The following STIM2 variants were observed in gnomAD, a reference collection of about 807,000 sequenced individuals.
The protein encoded by STIM2 is stromal interaction molecule 2.
In STIM2, 31 loss-of-function variants were observed where a neutral mutation model predicts 85.8. That is an observed-to-expected ratio of 0.36 (90% CI 0.27 to 0.49). STIM2 has a LOEUF of 0.49. Ranked by LOEUF, STIM2 falls within the 20% of genes least tolerant of loss-of-function variation. The probability of loss-of-function intolerance (pLI) is 0.98; values close to 1 mark genes in which losing one functional copy is unlikely to be tolerated. For missense variants in STIM2, 841 were observed against 927.6 expected, an observed-to-expected ratio of 0.91 and a Z score of 1.21; for synonymous variants, 356 against 331.1, an observed-to-expected ratio of 1.08 and a Z score of -0.82.
At chr4:27,001,057 G>C (rs769731684) in intron 5 of STIM2, among the ~76,000 whole-genome samples, 2 of 152,162 alleles carry the variant, frequency 1.3e-5, no homozygotes, top group Non-Finnish European at 2.9e-5. Context: ...GGAGAACTGA[G>C]AGTCTCTGAC....
intron 3 of STIM2, among the ~76,000 whole-genome samples, chr4:26,959,617 A>T (rs725981): frequency 0.37 from 56,401 of 151,906 alleles, 11,532 homozygotes; most frequent in Non-Finnish European, 0.46. Context: ...TGTATCCTAA[A>T]TAAAGAGGAC....
At chr4:26,962,208 G>A (rs990795793) in intron 3 of STIM2, among the ~76,000 whole-genome samples, 9 of 152,184 alleles carry the variant, frequency 5.9e-5, no homozygotes, top group Non-Finnish European at 1.2e-4. Flanking sequence ...CTTATAAAAT[G>A]TAATTCTTGT....
chr4:26,913,987 A>G (rs75195957), intron 1 of STIM2, among the ~76,000 whole-genome samples: 3,637 of 152,330 alleles, frequency 0.024, 148 homozygotes, highest in African/African-American at 0.083. Flanking sequence ...ACATAGGGAA[A>G]TAAGACAGCC....
intron 1 of STIM2, among the ~76,000 whole-genome samples, chr4:26,862,946 T>C (rs1219615282): frequency 6.6e-6 from 1 of 152,130 alleles, no homozygotes; most frequent in Non-Finnish European, 1.5e-5. Context: ...AAGGTATAAG[T>C]GGTTCTAGGT....
chr4:26,915,851 A>G (rs991937708), intron 1 of STIM2, among the ~76,000 whole-genome samples: 2 of 152,228 alleles, frequency 1.3e-5, no homozygotes, highest in African/African-American at 4.8e-5. Flanking sequence ...TTGTGTGCCC[A>G]GCACCAAGCA....
At chr4:26,944,701 A>G (rs1725747785) in intron 2 of STIM2, among the ~76,000 whole-genome samples, 1 of 152,216 alleles carries the variant, frequency 6.6e-6, no homozygotes, top group African/African-American at 2.4e-5. Flanking sequence ...GAAGCTTCTC[A>G]CACAAAGTTA....
chr4:26,942,509 T>G (rs1372146407), intron 2 of STIM2, among the ~76,000 whole-genome samples: 1 of 152,154 alleles, frequency 6.6e-6, no homozygotes. Flanking sequence ...TCTCCTCTTG[T>G]TTTTTCTTGA....
chr4:26,919,774 AT>A, intron 2 of STIM2, 140 bp downstream of exon 2: 1 of 1,000,132 alleles, frequency 1.0e-6, no homozygotes, highest in Non-Finnish European at 1.4e-6. Context: ...TTACATGTTA[AT>A]TTTACCCTTA....
At position 26,984,348 on chromosome 4, in the gene STIM2, C is replaced by T. The variant is rs548369232; in HGVS notation, c.398-11031C>T. Among the ~76,000 whole-genome samples, 3 of 152,256 alleles carry T rather than the reference C, an allele frequency of 2.0e-5. No individual in the cohort carries two copies. In the South Asian group the frequency reaches 6.2e-4, roughly 32 times the overall value. On this transcript the variant is annotated intron_variant, in intron 3 of 11. Coordinates refer to ENST00000467087, the MANE Select transcript of STIM2 (RefSeq NM_020860.4). ...AACAACCATATGATTTTGAGACCCACTATTTCTCCAATTTTTTTTGTTTTT... is the reference window on the plus strand; with the variant it reads ...AACAACCATATGATTTTGAGACCCATTATTTCTCCAATTTTTTTTGTTTTT...
chr4:26,886,815 G>C (rs1723267835), intron 1 of STIM2, among the ~76,000 whole-genome samples: 1 of 152,190 alleles, frequency 6.6e-6, no homozygotes, highest in Non-Finnish European at 1.5e-5. Context: ...TTTGATTTAT[G>C]TTTGGAAATG....
intron 4 of STIM2, among the ~76,000 whole-genome samples, chr4:26,996,276 T>C (rs183868833): frequency 6.6e-6 from 1 of 152,186 alleles, no homozygotes; most frequent in East Asian, 1.9e-4. Flanking sequence ...AACTTAATAA[T>C]CTTGAAGGAT....
rs184794096 is a variant in STIM2 at position 26,938,887 on chromosome 4, A to C, written c.283-18725A>C. Among the ~76,000 whole-genome samples, 20 of 152,262 alleles carry C rather than the reference A, an allele frequency of 1.3e-4. No homozygotes were observed. In the East Asian group the frequency reaches 3.7e-3, roughly 28 times the overall value. On this transcript the variant is annotated intron_variant, in intron 2 of 11. Coordinates refer to ENST00000467087, the MANE Select transcript of STIM2 (RefSeq NM_020860.4). ...TTCCAACTACTGTTCATTCTTCATA[A>C]CATGTTTAGGCATAATTTCCAGTTT...
intron 3 of STIM2, among the ~76,000 whole-genome samples, chr4:26,991,257 A>G (rs1472114831): frequency 1.3e-5 from 2 of 152,164 alleles, no homozygotes; most frequent in Non-Finnish European, 2.9e-5. Context: ...GCCATAAAAA[A>G]GAATAAAATC....
chr4:27,014,537 G>A (rs896646133), intron 10 of STIM2, among the ~76,000 whole-genome samples: 2 of 151,314 alleles, frequency 1.3e-5, no homozygotes, highest in African/African-American at 2.4e-5. Context: ...CTACTTGTGC[G>A]TGATTAGAGA....
rs139435034 is a variant in STIM2 at position 26,901,070 on chromosome 4, G to T, written c.152-18434G>T. On this transcript the variant is annotated intron_variant, in intron 1 of 11. Transcript: ENST00000467087. ...TCCCTTCTTGCGTTTCCTCTCCAGG[G>T]TGTTTGCTGCCTGAGAGATGGGGAG... Among the ~76,000 whole-genome samples, 147 of 152,234 alleles carry T rather than the reference G, an allele frequency of 9.7e-4. 1 individual carries two copies. In the East Asian group the frequency reaches 0.021, roughly 22 times the overall value.
chr4:26,920,146 A>G (rs1009931583), intron 2 of STIM2, among the ~76,000 whole-genome samples: 2 of 152,186 alleles, frequency 1.3e-5, no homozygotes, highest in Non-Finnish European at 2.9e-5. Context: ...CTCATCATTC[A>G]GGAGCCTAGC....
chr4:26,932,768 A>G (rs1725250170), intron 2 of STIM2, among the ~76,000 whole-genome samples: 1 of 152,184 alleles, frequency 6.6e-6, no homozygotes. Context: ...AGTACTTGTC[A>G]ACAACAGAAA....
chr4:26,993,269 A>C (rs1364830969), intron 3 of STIM2, among the ~76,000 whole-genome samples: 3 of 152,188 alleles, frequency 2.0e-5, no homozygotes, highest in African/African-American at 7.2e-5. Context: ...CTGAACCTTC[A>C]GCTGACATCC....
At chr4:26,944,223 G>A (rs1350191517) in intron 2 of STIM2, among the ~76,000 whole-genome samples, 1 of 151,994 alleles carries the variant, frequency 6.6e-6, no homozygotes, top group Non-Finnish European at 1.5e-5. Context: ...CTCATATACC[G>A]TATTTTCTCC....
Sources: allele counts gnomAD v4.1 joint callset (sites outside exome capture counted in the v4.1 genomes callset), GRCh38; gene constraint gnomAD v4.1.1; transcripts MANE v1.5; gene names NCBI Gene and HGNC (gene_info 2026-07-23, HGNC 2026-07-21).